CNTN4: variants seen among roughly 807,000 people sequenced by gnomAD.
CNTN4 encodes contactin 4, also known as contactin-4.
In CNTN4, 77 loss-of-function variants were observed where a neutral mutation model predicts 122.5. The ratio of observed to expected loss-of-function variants is 0.63; its 90% confidence interval spans 0.52 to 0.76. The LOEUF is 0.76. Among genes scored for constraint, CNTN4 ranks in the 30% least tolerant of loss-of-function variants. The pLI is 0.00. For synonymous variants in CNTN4, 512 were observed against 447.0 expected (o/e 1.15, Z -1.83); for missense variants, 1,256 against 1,259.1 (o/e 1.00, Z 0.04).
intron 4 of CNTN4, among the ~76,000 whole-genome samples, chr3:2,603,381 G>T (rs1363747469): frequency 6.6e-6 from 1 of 152,134 alleles, no homozygotes; most frequent in African/African-American, 2.4e-5. Context: ...TCAGTCTCTT[G>T]TAACATTATG....
intron 12 of CNTN4, among the ~76,000 whole-genome samples, chr3:2,909,347 CT>C (rs947697435): frequency 6.6e-5 from 10 of 152,016 alleles, no homozygotes; most frequent in African/African-American, 2.2e-4. Context: ...ACTCATCTTA[CT>C]GTGAAAACTG....
chr3:2,259,312 C>G (rs1025276239), intron 2 of CNTN4, among the ~76,000 whole-genome samples: 3 of 152,174 alleles, frequency 2.0e-5, no homozygotes, highest in African/African-American at 7.2e-5. Flanking sequence ...ACATTTTGGA[C>G]AATGACTGAT....
intron 14 of CNTN4, among the ~76,000 whole-genome samples, chr3:3,002,674 C>G (rs1381348795): frequency 6.6e-6 from 1 of 151,928 alleles, no homozygotes; most frequent in Non-Finnish European, 1.5e-5. Context: ...AAATGAAGTC[C>G]CCTTCTAATT....
intron 4 of CNTN4, among the ~76,000 whole-genome samples, chr3:2,627,732 A>G (rs1382415929): frequency 5.3e-5 from 8 of 152,062 alleles, no homozygotes; most frequent in East Asian, 3.9e-4. Flanking sequence ...TGACCTTGTG[A>G]TCTGCCCGCC....
chr3:2,627,785 G>A (rs1327444162), intron 4 of CNTN4, among the ~76,000 whole-genome samples: 2 of 152,138 alleles, frequency 1.3e-5, no homozygotes, highest in African/African-American at 2.4e-5. Context: ...GAGCCACCGT[G>A]CCTGGCCAAC....
At chr3:2,373,202 A>C (rs77870582) in intron 3 of CNTN4, among the ~76,000 whole-genome samples, 2,132 of 152,278 alleles carry the variant, frequency 0.014, 20 homozygotes, top group Middle Eastern at 0.031. Flanking sequence ...TTCAGTGATG[A>C]CTGTTGTTCT....
intron 2 of CNTN4, among the ~76,000 whole-genome samples, chr3:2,122,167 A>G (rs953548641): frequency 6.6e-6 from 1 of 151,854 alleles, no homozygotes; most frequent in Non-Finnish European, 1.5e-5. Context: ...AAAAAAAAAA[A>G]AATTATTTTT....
At chr3:2,768,077 C>T (rs2090940862) in intron 6 of CNTN4, among the ~76,000 whole-genome samples, 1 of 152,160 alleles carries the variant, frequency 6.6e-6, no homozygotes, top group African/African-American at 2.4e-5. Context: ...TAGAGATGAA[C>T]AAATGTTTTA....
At chr3:2,853,108 T>C (rs1040039197) in intron 7 of CNTN4, among the ~76,000 whole-genome samples, 9 of 151,724 alleles carry the variant, frequency 5.9e-5, no homozygotes, top group Admixed American at 2.0e-4. Context: ...AATAAGTCTC[T>C]AAGGAGAAAA....
At chr3:2,495,127 T>C (rs568086302) in intron 3 of CNTN4, among the ~76,000 whole-genome samples, 8 of 152,298 alleles carry the variant, frequency 5.3e-5, no homozygotes, top group African/African-American at 1.9e-4. Flanking sequence ...TTATTTGAAA[T>C]GCCGCCTTCA....
intron 4 of CNTN4, among the ~76,000 whole-genome samples, chr3:2,682,142 G>C (rs1435086693): frequency 1.3e-5 from 2 of 152,158 alleles, no homozygotes; most frequent in Non-Finnish European, 2.9e-5. Flanking sequence ...ACAAGTTAAA[G>C]AACATGAGTA....
chr3:2,390,673 A>G (rs1044331957), intron 3 of CNTN4, among the ~76,000 whole-genome samples: 3 of 152,132 alleles, frequency 2.0e-5, no homozygotes, highest in Admixed American at 6.5e-5. Context: ...AATAACCTCA[A>G]TAGGATTTTT....
intron 7 of CNTN4, among the ~76,000 whole-genome samples, chr3:2,852,285 G>T (rs892656477): frequency 6.6e-6 from 1 of 152,068 alleles, no homozygotes; most frequent in African/African-American, 2.4e-5. Context: ...AGCTCCAAGA[G>T]ATGAGTCAAA....
intron 6 of CNTN4, among the ~76,000 whole-genome samples, chr3:2,808,633 T>C (rs74959721): frequency 0.025 from 3,804 of 152,284 alleles, 165 homozygotes; most frequent in African/African-American, 0.086. Context: ...TTTCATGTTT[T>C]CATCATCTCT....
intron 4 of CNTN4, among the ~76,000 whole-genome samples, chr3:2,595,468 A>G (rs2080724239): frequency 6.6e-6 from 1 of 152,014 alleles, no homozygotes; most frequent in Non-Finnish European, 1.5e-5. Context: ...TCCACATCCC[A>G]CCTAAAGGTG....
intron 3 of CNTN4, among the ~76,000 whole-genome samples, chr3:2,503,218 G>C (rs192957428): frequency 6.6e-6 from 1 of 152,106 alleles, no homozygotes; most frequent in Non-Finnish European, 1.5e-5. Context: ...GGTTCAGGAT[G>C]TTTAATCTTC....
intron 3 of CNTN4, among the ~76,000 whole-genome samples, chr3:2,538,598 G>T (rs1431224953): frequency 1.3e-5 from 2 of 152,002 alleles, no homozygotes; most frequent in African/African-American, 4.8e-5. Context: ...ATTCTGCAGA[G>T]TGGTGGTGTA....
chr3:2,230,461 G>T (rs1264173359), intron 2 of CNTN4, among the ~76,000 whole-genome samples: 1 of 152,130 alleles, frequency 6.6e-6, no homozygotes, highest in East Asian at 1.9e-4. Flanking sequence ...ACACCGTGCT[G>T]GGCATTGCCT....
chr3:2,621,032 C>T (rs142554457), intron 4 of CNTN4, among the ~76,000 whole-genome samples: 3 of 152,266 alleles, frequency 2.0e-5, no homozygotes, highest in Admixed American at 1.3e-4. Context: ...TAATTTCATC[C>T]TTTGTAAAAT....
Sources: allele counts gnomAD v4.1 joint callset (sites outside exome capture counted in the v4.1 genomes callset), GRCh38; gene constraint gnomAD v4.1.1; transcripts MANE v1.5; gene names NCBI Gene and HGNC (gene_info 2026-07-23, HGNC 2026-07-21).